The following SLC7A6OS variants were observed in gnomAD, a reference collection of about 807,000 sequenced individuals.
The protein encoded by SLC7A6OS is probable RNA polymerase II nuclear localization protein SLC7A6OS.
In SLC7A6OS, 22 loss-of-function variants were observed where a neutral mutation model predicts 34.3. The ratio of observed to expected loss-of-function variants is 0.64; its 90% CI spans 0.46 to 0.92. The LOEUF (loss-of-function observed/expected upper bound fraction) is 0.92, where lower values mean the gene tolerates loss of function less well. Among genes scored for constraint, SLC7A6OS ranks in the 40% least tolerant of loss-of-function variants. The pLI, the probability that SLC7A6OS is intolerant of heterozygous loss-of-function variation, is 0.00. For missense variants in SLC7A6OS, 434 were observed against 407.7 expected (o/e 1.06, Z -0.56); for synonymous variants, 199 against 165.0 (o/e 1.21, Z -1.58).
At chr16:68,307,425 A>G (rs1362714211) in intron 2 of SLC7A6OS, among the ~76,000 whole-genome samples, 1 of 152,212 alleles carries the variant, frequency 6.6e-6, no homozygotes, top group African/African-American at 2.4e-5. Context: ...ATTTCCTATT[A>G]AATTTATCTA....
chr16:68,306,152 T>C (rs969287860), intron 2 of SLC7A6OS, among the ~76,000 whole-genome samples: 1 of 152,258 alleles, frequency 6.6e-6, no homozygotes, highest in African/African-American at 2.4e-5. Context: ...ACTTTTGGGT[T>C]GATGGTAAAA....
Position 68,304,186 on chromosome 16 carries a change from C to A in SLC7A6OS, c.518G>T (p.Arg173Leu). Reference protein sequence around the residue: ...VILCNSVELIRERLTVSEDGP... With the variant: ...VILCNSVELILERLTVSEDGP... ...ATCCTCAGACACAGTCAATCGCTCA[C>A]GGATCAACTCTACAGAATTGCAGAG... The change falls in exon 3 of 5, where the codon CGT (arginine) becomes CTT (leucine). Residue 173 changes from arginine (R) to leucine (L), a missense_variant. By Grantham distance (102) the Arg-to-Leu change is moderately radical. Transcript: ENST00000263997. 6.2e-7 allele frequency: 1 copy of A among 1,614,180 alleles called. No homozygotes were observed. Among genetic ancestry groups the A allele is most frequent in the Non-Finnish European group, 8.5e-7 (1 of 1,180,022 alleles).
chr16:68,301,807 C>G (rs896000083), intron 4 of SLC7A6OS: 4 of 160,316 alleles, frequency 2.5e-5, no homozygotes, highest in African/African-American at 9.6e-5. Flanking sequence ...CCAATAAATT[C>G]TTTTTGTTGG....
intron 2 of SLC7A6OS, among the ~76,000 whole-genome samples, chr16:68,305,172 G>T (rs1444758587): frequency 6.6e-6 from 1 of 152,120 alleles, no homozygotes; most frequent in Admixed American, 6.5e-5. Flanking sequence ...TCTCTTTGGG[G>T]ATCAGTAGGT....
chr16:68,305,314 A>G (rs757103287), intron 2 of SLC7A6OS, among the ~76,000 whole-genome samples: 6 of 152,064 alleles, frequency 3.9e-5, no homozygotes, highest in Middle Eastern at 6.3e-3. Flanking sequence ...TTGACATCCT[A>G]CTTTTAACCA....
Position 68,301,363 on chromosome 16 carries a change from C to T in SLC7A6OS, c.842G>A (p.Ser281Asn). 1 of 1,614,164 alleles carries T rather than the reference C, an allele frequency of 6.2e-7. No homozygotes were observed. The highest frequency in any genetic ancestry group is 8.5e-7 in the Non-Finnish European group (1 of 1,180,032). ...CTTGCTCCACATCCGCTGTCTGCTG[C>T]TGCCTCTTTCCTCCTCACTCAGGCT... is the stretch of plus-strand genomic sequence containing the variant. ...YNSLSEEERG[S>N]SRQRMWSKYP... is the part of the protein sequence containing the mutation. Residue 281 changes from serine to asparagine, a missense_variant, in exon 5 of 5, where the codon AGC becomes AAC. Transcript: ENST00000263997.
At position 68,301,528 on chromosome 16, in the gene SLC7A6OS, A is replaced by C; in HGVS notation, c.800-123T>G. The C allele has an allele frequency of 4.3e-6, 3 of 696,650 alleles. No individual in the cohort carries two copies. In the South Asian group the frequency reaches 8.2e-5, roughly 19 times the overall value. 43.2% of individuals were successfully genotyped at this position (696,650 alleles called of 1,614,324 possible). A position where few individuals can be genotyped will look rare whatever the true frequency, so the allele number is the denominator to read the frequency against. ...TGTAATGCAAAATCCTTGCTCAATA[A>C]ATAAAAAAGAATATAGAATTCTTTT... is the stretch of plus-strand genomic sequence containing the variant. On this transcript the variant is annotated intron_variant, in intron 4 of 4. Coordinates refer to ENST00000263997, the MANE Select transcript of SLC7A6OS (RefSeq NM_032178.3).
intron 3 of SLC7A6OS, among the ~76,000 whole-genome samples, 188 bp from the exon 4 acceptor site, chr16:68,302,689 A>G (rs2043293588): frequency 6.6e-6 from 1 of 152,232 alleles, no homozygotes; most frequent in Admixed American, 6.5e-5. Context: ...TTCCACTCAG[A>G]GCCCAGCTCC....
At chr16:68,304,954 G>T (rs1366233661) in intron 2 of SLC7A6OS, among the ~76,000 whole-genome samples, 1 of 152,178 alleles carries the variant, frequency 6.6e-6, no homozygotes, top group African/African-American at 2.4e-5. Context: ...TCAGGAGGTT[G>T]AGGCTGCAGT....
chr16:68,301,096 G>A lies in SLC7A6OS; in HGVS notation c.*179C>T. 1 of 1,315,604 alleles carries A rather than the reference G, an allele frequency of 7.6e-7. No individual in the cohort carries two copies. Among genetic ancestry groups the A allele is most frequent in the African/African-American group, 1.5e-5 (1 of 66,846 alleles). 81.5% of individuals were successfully genotyped at this position (1,315,604 alleles called of 1,614,324 possible). A position where few individuals can be genotyped will look rare whatever the true frequency, so the allele number is the denominator to read the frequency against. ...AAGGGGTCCTACTGTAAGTGGAAAA[G>A]ACTCACTCCCCTAACATAAGTTTTC... On this transcript the variant is annotated 3_prime_UTR_variant, in exon 5 of 5. Coordinates refer to ENST00000263997, the MANE Select transcript of SLC7A6OS (RefSeq NM_032178.3).
intron 2 of SLC7A6OS, among the ~76,000 whole-genome samples, chr16:68,306,410 G>T (rs1397346331): frequency 6.6e-6 from 1 of 151,924 alleles, no homozygotes; most frequent in Non-Finnish European, 1.5e-5. Context: ...GTAGAGACCG[G>T]GTTTCACTAT....
At chr16:68,309,116 A>G (rs983893114) in intron 2 of SLC7A6OS, among the ~76,000 whole-genome samples, 1 of 150,752 alleles carries the variant, frequency 6.6e-6, no homozygotes, top group African/African-American at 2.4e-5. Context: ...TTTTTTAGAG[A>G]CAGTATCTTG....
chr16:68,308,582 G>A (rs1020360359), intron 2 of SLC7A6OS, among the ~76,000 whole-genome samples: 6 of 152,006 alleles, frequency 3.9e-5, no homozygotes, highest in African/African-American at 9.7e-5. Flanking sequence ...AGCCGAGATC[G>A]CGCCACTGCA....
In SLC7A6OS at chr16:68,299,312, C is replaced by T. The variant is rs2043227931; in HGVS notation, c.*1963G>A. 6.6e-6 allele frequency: 1 copy of T among 152,648 alleles called. No homozygotes were observed. Among genetic ancestry groups the T allele is most frequent in the Admixed American group, 6.5e-5 (1 of 15,278 alleles). The allele number at this position is 152,648 out of a possible 1,614,324, so 9.5% of individuals were successfully genotyped here. On this transcript the variant is annotated 3_prime_UTR_variant, in exon 5 of 5. Coordinates refer to ENST00000263997, the MANE Select transcript of SLC7A6OS (RefSeq NM_032178.3). The stretch of plus-strand genomic sequence containing the variant: ...AGCTAATCCCAGGAATTTGCTGCCC[C>T]CCACCAGTGGCTTCTAGGGAAAGCA...
chr16:68,299,015 C>T lies in SLC7A6OS; in HGVS notation c.*2260G>A, dbSNP rs1223084885. The T allele has an allele frequency of 1.3e-5, 2 of 152,624 alleles. No individual in the cohort carries two copies. The highest frequency in any genetic ancestry group is 2.9e-5 in the Non-Finnish European group (2 of 68,040). 9.5% of individuals were successfully genotyped at this position (152,624 alleles called of 1,614,324 possible). On this transcript the variant is annotated 3_prime_UTR_variant, in exon 5 of 5. Transcript: ENST00000263997. ...CAATAAAGATTGAAGGAAGCATGGT[C>T]ATAGTTGCCCTGGGTTCAGAGCATA...
rs1345524611 is a variant in SLC7A6OS, at chr16:68,300,562, C to T, written c.*713G>A. ...CAATGCTGAACCTTCTATTTCACTACCGCTCCCTGTTTTAGATATTCAGAT... is the reference window on the plus strand; with the variant it reads ...CAATGCTGAACCTTCTATTTCACTATCGCTCCCTGTTTTAGATATTCAGAT... On this transcript the variant is annotated 3_prime_UTR_variant, in exon 5 of 5. Coordinates refer to ENST00000263997, the MANE Select transcript of SLC7A6OS (RefSeq NM_032178.3). 2 of 946,538 alleles carry T rather than the reference C, an allele frequency of 2.1e-6. No individual in the cohort carries two copies. The highest frequency in any genetic ancestry group is 1.2e-4 in the East Asian group (1 of 8,654). 58.6% of individuals were successfully genotyped at this position (946,538 alleles called of 1,614,324 possible).
chr16:68,310,285 T>C, intron 2 of SLC7A6OS, 50 bp downstream of exon 2: 1 of 1,521,346 alleles, frequency 6.6e-7, no homozygotes, highest in African/African-American at 1.4e-5. Context: ...CCAGTCTTCT[T>C]GCATTACCAT....
At chr16:68,304,382 G>A (rs551247219) in intron 2 of SLC7A6OS, 150 bp from the exon 3 acceptor site, 25 of 676,956 alleles carry the variant, frequency 3.7e-5, no homozygotes, top group Middle Eastern at 3.9e-4. Flanking sequence ...GTGCAGTGGC[G>A]TGGTCTTGGC....
At chr16:68,304,347 G>T in intron 2 of SLC7A6OS, 115 bp from the exon 3 acceptor site, 1 of 877,714 alleles carries the variant, frequency 1.1e-6, no homozygotes, top group Non-Finnish European at 1.8e-6. Flanking sequence ...TTGAGACGGA[G>T]TCTCACTCTG....
Sources: gnomAD v4.1 joint callset for allele counts (sites outside exome capture counted in the v4.1 genomes callset) on GRCh38, gnomAD v4.1.1 for gene constraint, MANE v1.5 for transcripts, NCBI Gene and HGNC (gene_info 2026-07-23, HGNC 2026-07-21) for gene names.